The following CDH23 variants were observed in gnomAD, a reference collection of about 807,000 sequenced individuals.
CDH23 encodes the protein cadherin-23.
Under a neutral mutation model 317.1 loss-of-function variants are expected in CDH23, and 189 were observed. That is an observed-to-expected ratio of 0.60 (90% CI 0.53 to 0.67). The LOEUF is 0.67. Ranked by LOEUF, CDH23 falls within the 30% of genes least tolerant of loss-of-function variation. CDH23 has a pLI of 0.00. For missense variants in CDH23, 4,401 were observed against 4,592.4 expected, an observed-to-expected ratio of 0.96 and a Z score of 1.20; for synonymous variants, 1,839 against 1,876.8, an observed-to-expected ratio of 0.98 and a Z score of 0.52.
chr10:71,803,797 C>A (rs12415169), intron 55 of CDH23, among the ~76,000 whole-genome samples: 1 of 137,490 alleles, frequency 7.3e-6, no homozygotes, highest in Non-Finnish European at 1.5e-5. Context: ...TAGTGAAACC[C>A]GATCTCTACT....
At chr10:71,447,604 A>G (rs372521187) in intron 3 of CDH23, among the ~76,000 whole-genome samples, 17 of 152,088 alleles carry the variant, frequency 1.1e-4, no homozygotes, top group African/African-American at 3.9e-4. Flanking sequence ...GTGATAGATC[A>G]GTGTTGTAAG....
At chr10:71,730,909 G>T (rs1010392149) in intron 31 of CDH23, among the ~76,000 whole-genome samples, 1 of 152,244 alleles carries the variant, frequency 6.6e-6, no homozygotes, top group African/African-American at 2.4e-5. Flanking sequence ...GAGAGGGGCT[G>T]GGCAGAGCTG....
chr10:71,544,323 A>G (rs2132295677), intron 6 of CDH23, among the ~76,000 whole-genome samples: 1 of 152,308 alleles, frequency 6.6e-6, no homozygotes, highest in South Asian at 2.1e-4. Flanking sequence ...AACTCTAATA[A>G]CAGGGGAAGT....
At chr10:71,761,497 T>C in intron 38 of CDH23, 4 of 1,339,160 alleles carry the variant, frequency 3.0e-6, no homozygotes, top group South Asian at 1.5e-5. Context: ...GTGTTACCCA[T>C]GCAGCCTCAC....
intron 34 of CDH23, among the ~76,000 whole-genome samples, chr10:71,735,387 C>G (rs1839535295): frequency 6.6e-6 from 1 of 152,292 alleles, no homozygotes; most frequent in Non-Finnish European, 1.5e-5. Context: ...CTAGAAGAGG[C>G]GGCCCGGCCT....
chr10:71,640,448 T>G (rs796796913), intron 11 of CDH23, among the ~76,000 whole-genome samples: 37 of 152,304 alleles, frequency 2.4e-4, no homozygotes, highest in African/African-American at 8.4e-4. Context: ...GAAGGGCTTG[T>G]TAAAACAGTA....
At chr10:71,688,601 G>A (rs1350164961) in intron 19 of CDH23, among the ~76,000 whole-genome samples, 1 of 146,576 alleles carries the variant, frequency 6.8e-6, no homozygotes, top group Non-Finnish European at 1.5e-5. Flanking sequence ...TGGAGTCAGG[G>A]GTGGTGGAGC....
intron 9 of CDH23, among the ~76,000 whole-genome samples, chr10:71,601,675 A>C (rs1236732896): frequency 6.6e-6 from 1 of 152,066 alleles, no homozygotes; most frequent in Non-Finnish European, 1.5e-5. Context: ...GCTGGACTCC[A>C]CACCCCGTCA....
intron 38 of CDH23, chr10:71,760,350 T>C (rs536749569): frequency 1.3e-5 from 2 of 148,320 alleles, no homozygotes; most frequent in African/African-American, 4.9e-5. Context: ...ATAATAATAC[T>C]TAAAAAGACT....
At chr10:71,470,934 GGC>G (rs1851475441) in intron 3 of CDH23, among the ~76,000 whole-genome samples, 1 of 152,104 alleles carries the variant, frequency 6.6e-6, no homozygotes, top group African/African-American at 2.4e-5. Context: ...TTGGTGAAGT[GGC>G]TATTCAAATC....
intron 6 of CDH23, among the ~76,000 whole-genome samples, chr10:71,523,853 C>G (rs1394871604): frequency 6.6e-6 from 1 of 152,174 alleles, no homozygotes; most frequent in Admixed American, 6.5e-5. Flanking sequence ...CTCATCCCGG[C>G]CCCCTCTCCA....
intron 38 of CDH23, among the ~76,000 whole-genome samples, chr10:71,768,170 G>A (rs1840600431): frequency 6.6e-6 from 1 of 152,108 alleles, no homozygotes; most frequent in African/African-American, 2.4e-5. Flanking sequence ...TGTTGCTGTT[G>A]TTGTTGTTGT....
At chr10:71,760,379 A>G (rs1421670475) in intron 38 of CDH23, 1 of 152,762 alleles carries the variant, frequency 6.5e-6, no homozygotes, top group Admixed American at 6.5e-5. Flanking sequence ...TGCCCAGCAC[A>G]GTGGGAACTC....
intron 11 of CDH23, among the ~76,000 whole-genome samples, chr10:71,641,197 T>C (rs1312328816): frequency 6.6e-6 from 1 of 152,238 alleles, no homozygotes; most frequent in African/African-American, 2.4e-5. Context: ...ACCCTGGCTA[T>C]GCAGTGTGGT....
chr10:71,579,500 C>G (rs1858476760), intron 9 of CDH23, among the ~76,000 whole-genome samples: 1 of 152,162 alleles, frequency 6.6e-6, no homozygotes, highest in African/African-American at 2.4e-5. Context: ...TTTTCAAACT[C>G]CAGCATGCCC....
At chr10:71,590,476 C>T (rs1173183472) in intron 9 of CDH23, among the ~76,000 whole-genome samples, 1 of 152,160 alleles carries the variant, frequency 6.6e-6, no homozygotes, top group Non-Finnish European at 1.5e-5. Flanking sequence ...CCCGCCCTCA[C>T]TTGTAGGATC....
chr10:71,416,737 A>C (rs1848550011), intron 1 of CDH23, among the ~76,000 whole-genome samples: 1 of 151,710 alleles, frequency 6.6e-6, no homozygotes, highest in South Asian at 2.1e-4. Flanking sequence ...GTGTGATCAT[A>C]GGTCACTGCA....
intron 1 of CDH23, among the ~76,000 whole-genome samples, chr10:71,420,404 G>GTGATGA (rs1848702090): frequency 1.4e-5 from 2 of 144,758 alleles, no homozygotes; most frequent in Non-Finnish European, 3.0e-5. Flanking sequence ...GATGGTGATG[G>GTGATGA]TGATGATGAT....
intron 3 of CDH23, among the ~76,000 whole-genome samples, chr10:71,454,124 T>C (rs1850578405): frequency 6.6e-6 from 1 of 152,192 alleles, no homozygotes; most frequent in Admixed American, 6.5e-5. Context: ...ACTGTTTTTA[T>C]CAAACATTCC....
Sources: gnomAD v4.1 joint callset for allele counts (sites outside exome capture counted in the v4.1 genomes callset) on GRCh38, gnomAD v4.1.1 for gene constraint, MANE v1.5 for transcripts, NCBI Gene and HGNC (gene_info 2026-07-23, HGNC 2026-07-21) for gene names.